The following SORCS2 variants were observed in gnomAD, a reference collection of about 807,000 sequenced individuals.
The protein encoded by SORCS2 is VPS10 domain-containing receptor SorCS2.
A neutral mutation model predicts 141.6 loss-of-function variants in SORCS2; 100 were observed. The ratio of observed to expected loss-of-function variants is 0.71; its 90% CI spans 0.60 to 0.83. The LOEUF is 0.83. SORCS2 is among the 40% of genes least tolerant of loss of function. The pLI is 0.00. For synonymous variants in SORCS2, 789 were observed against 676.9 expected (o/e 1.17, Z -2.57); for missense variants, 1,646 against 1,560.2 (o/e 1.05, Z -0.93).
intron 10 of SORCS2, among the ~76,000 whole-genome samples, chr4:7,686,384 G>T (rs1723871647): frequency 6.6e-6 from 1 of 152,222 alleles, no homozygotes; most frequent in Non-Finnish European, 1.5e-5. Flanking sequence ...CCATCTGGTA[G>T]GCTTTGATGA....
At chr4:7,434,232 C>G (rs1275924452) in intron 2 of SORCS2, 3 of 1,613,602 alleles carry the variant, frequency 1.9e-6, no homozygotes, top group East Asian at 2.2e-5. Context: ...GGCCAGGCCC[C>G]AAGGACTCAC....
At chr4:7,471,227 G>A (rs554213205) in intron 2 of SORCS2, among the ~76,000 whole-genome samples, 41 of 152,282 alleles carry the variant, frequency 2.7e-4, no homozygotes, top group Non-Finnish European at 4.9e-4. Flanking sequence ...CCGCTTCCCC[G>A]CTCCGCTCAG....
At chr4:7,631,903 C>T (rs1719922099) in intron 3 of SORCS2, among the ~76,000 whole-genome samples, 2 of 152,190 alleles carry the variant, frequency 1.3e-5, no homozygotes, top group South Asian at 4.1e-4. Flanking sequence ...TAGACTCTTC[C>T]AAGCCTGTTG....
At chr4:7,238,882 C>G (rs116237359) in intron 1 of SORCS2, among the ~76,000 whole-genome samples, 4 of 152,204 alleles carry the variant, frequency 2.6e-5, no homozygotes, top group Non-Finnish European at 4.4e-5. Flanking sequence ...GGCTGTGGCA[C>G]TCTTTACCAC....
intron 9 of SORCS2, among the ~76,000 whole-genome samples, chr4:7,680,670 A>C (rs891531452): frequency 6.6e-6 from 1 of 152,234 alleles, no homozygotes; most frequent in African/African-American, 2.4e-5. Context: ...TGCCACATGT[A>C]TGGCGTTCCC....
intron 1 of SORCS2, among the ~76,000 whole-genome samples, chr4:7,295,506 A>G (rs1399331094): frequency 1.3e-5 from 2 of 152,014 alleles, no homozygotes; most frequent in Non-Finnish European, 1.5e-5. Context: ...CGTTGGCTCG[A>G]GCCGCCCAGC....
At chr4:7,668,790 C>G (rs1027217050) in intron 8 of SORCS2, among the ~76,000 whole-genome samples, 1 of 152,182 alleles carries the variant, frequency 6.6e-6, no homozygotes, top group Non-Finnish European at 1.5e-5. Flanking sequence ...ATCTGGGAAG[C>G]CTTCCCTCGA....
At position 7,193,029 on chromosome 4, in the gene SORCS2, C is replaced by T. The variant is rs540768105; in HGVS notation, c.383C>T (p.Ser128Leu). ...GCGGCGCCGCTGGCCGGAGTGGCTT[C>T]GCGGGCGCAGGTCTCGCTCATCAGC... ...ERAAPLAGVASRAQVSLISTS... is the reference protein window; with the variant it reads ...ERAAPLAGVALRAQVSLISTS... Residue 128 changes from serine (S) to leucine (L), a missense_variant, in exon 1 of 27, where the codon TCG becomes TTG. Physicochemically the swap from Ser to Leu is moderately radical, Grantham distance 145. Transcript: ENST00000507866. This position sits in a 1 kb window ranked among gnomAD's most constrained non-coding sequence, Gnocchi z 4.8. The T allele has an allele frequency of 1.3e-6, 2 of 1,506,294 alleles. No homozygotes were observed. Among genetic ancestry groups the T allele is most frequent in the Non-Finnish European group, 1.8e-6 (2 of 1,137,182 alleles). The allele number at this position is 1,506,294 out of a possible 1,614,324, so 93.3% of individuals were successfully genotyped here. A position where few individuals can be genotyped will look rare whatever the true frequency, so the allele number is the denominator to read the frequency against.
At chr4:7,698,310 GC>G (rs1724839534) in intron 12 of SORCS2, among the ~76,000 whole-genome samples, 1 of 152,172 alleles carries the variant, frequency 6.6e-6, no homozygotes, top group East Asian at 1.9e-4. Flanking sequence ...CCCAGCCACG[GC>G]CCCCCTCCCA....
At chr4:7,354,054 A>C (rs1005269121) in intron 1 of SORCS2, among the ~76,000 whole-genome samples, 3 of 152,168 alleles carry the variant, frequency 2.0e-5, no homozygotes, top group Admixed American at 2.0e-4. Flanking sequence ...ATATAAGAAC[A>C]GTTCTCGGCA....
At chr4:7,614,904 C>T (rs1260510072) in intron 3 of SORCS2, among the ~76,000 whole-genome samples, 4 of 152,142 alleles carry the variant, frequency 2.6e-5, no homozygotes, top group Non-Finnish European at 5.9e-5. Flanking sequence ...CCCATCAATC[C>T]ATTCATCCAT....
chr4:7,246,012 C>A (rs780642405), intron 1 of SORCS2, among the ~76,000 whole-genome samples: 1 of 152,162 alleles, frequency 6.6e-6, no homozygotes, highest in Non-Finnish European at 1.5e-5. Context: ...TGCCTTGATG[C>A]CTGGTTCTGT....
intron 3 of SORCS2, among the ~76,000 whole-genome samples, chr4:7,572,772 T>G (rs1262075320): frequency 6.6e-6 from 1 of 152,240 alleles, no homozygotes; most frequent in Non-Finnish European, 1.5e-5. Flanking sequence ...GCAAACTCAC[T>G]GAAAGGTGTT....
chr4:7,273,203 A>G (rs1247631571), intron 1 of SORCS2, among the ~76,000 whole-genome samples: 3 of 152,348 alleles, frequency 2.0e-5, no homozygotes, highest in African/African-American at 4.8e-5. Flanking sequence ...ACACAAATGC[A>G]TATCAAGGAA....
chr4:7,714,072 T>C (rs193301281), intron 15 of SORCS2, among the ~76,000 whole-genome samples, 168 bp from the exon 16 acceptor site: 1 of 152,296 alleles, frequency 6.6e-6, no homozygotes, highest in East Asian at 1.9e-4. Context: ...GAGGGAGGCT[T>C]CCCCAACTTG....
intron 1 of SORCS2, among the ~76,000 whole-genome samples, chr4:7,292,039 G>A (rs1716637298): frequency 6.6e-6 from 1 of 152,238 alleles, no homozygotes; most frequent in Non-Finnish European, 1.5e-5. Flanking sequence ...CCTTGGGGCT[G>A]GCCCTGGAGG....
intron 2 of SORCS2, among the ~76,000 whole-genome samples, chr4:7,406,439 T>C (rs1724976625): frequency 6.6e-6 from 1 of 151,780 alleles, no homozygotes; most frequent in Non-Finnish European, 1.5e-5. Context: ...ATTGAGGTTT[T>C]CTGTTTTCTC....
At chr4:7,527,210 C>T (rs968755665) in intron 2 of SORCS2, among the ~76,000 whole-genome samples, 2 of 152,252 alleles carry the variant, frequency 1.3e-5, no homozygotes, top group Admixed American at 6.5e-5. Flanking sequence ...CTCAAATGCC[C>T]ACTTGTGGTC....
At chr4:7,195,313 C>T (rs575653384) in intron 1 of SORCS2, among the ~76,000 whole-genome samples, 4 of 152,026 alleles carry the variant, frequency 2.6e-5, no homozygotes, top group Non-Finnish European at 5.9e-5. Context: ...CAGCATGAGG[C>T]GAGGGGCAGG....
Sources: allele counts gnomAD v4.1 joint callset (sites outside exome capture counted in the v4.1 genomes callset), GRCh38; gene constraint gnomAD v4.1.1; non-coding constraint Gnocchi (gnomAD v3.1); transcripts MANE v1.5; gene names NCBI Gene and HGNC (gene_info 2026-07-23, HGNC 2026-07-21).